PALM2AKAP2: variants seen among roughly 807,000 people sequenced by gnomAD.
PALM2AKAP2 encodes PALM2 and AKAP2 fusion.
A neutral mutation model predicts 71.5 loss-of-function variants in PALM2AKAP2; 37 were observed. The observed-to-expected ratio is 0.52, with a 90% CI of 0.40 to 0.68. The LOEUF (loss-of-function observed/expected upper bound fraction) is 0.68, where lower values mean the gene tolerates loss of function less well. Ranked by LOEUF, PALM2AKAP2 falls within the 30% of genes least tolerant of loss-of-function variation. The pLI is 0.00. For missense variants in PALM2AKAP2, 1,224 were observed against 1,191.8 expected (o/e 1.03, Z -0.40); for synonymous variants, 468 against 478.8 (o/e 0.98, Z 0.29).
Position 109,683,081 on chromosome 9 carries a change from C to T in PALM2AKAP2, c.5+42215C>T, listed in dbSNP as rs183905716. ...TGGTTGTTTAAAAGTGTGGCACCTC[C>T]CCTCCCCGCTTGCTCCTGCTTTCAC... On this transcript the variant is annotated intron_variant, in intron 1 of 6. Coordinates refer to the PALM2AKAP2 transcript ENST00000374531. Among the ~76,000 whole-genome samples the T allele has an allele frequency of 3.3e-5, 5 of 152,218 alleles. No individual in the cohort carries two copies. The East Asian group carries it at 9.7e-4, about 29-fold the overall frequency.
At chr9:110,043,714 G>GTTTT (rs71492869), upstream of PALM2AKAP2, among the ~76,000 whole-genome samples, 175 of 98,320 alleles carry the variant, frequency 1.8e-3, 7 homozygotes, top group African/African-American at 2.4e-3. Context: ...GTTTTTTTTG[G>GTTTT]TGTTTTTTTT....
intron 1 of PALM2AKAP2, among the ~76,000 whole-genome samples, chr9:109,679,305 C>A (rs952694353): frequency 6.6e-6 from 1 of 152,178 alleles, no homozygotes; most frequent in Admixed American, 6.5e-5. Context: ...GGTATGAGAA[C>A]AAGAGCAGTC....
At chr9:110,011,915 A>C (rs1341228910) in intron 6 of PALM2AKAP2, among the ~76,000 whole-genome samples, 1 of 152,212 alleles carries the variant, frequency 6.6e-6, no homozygotes, top group Non-Finnish European at 1.5e-5. Context: ...GATCTCCACC[A>C]TAGGTACGAG....
At chr9:109,821,539 C>T (rs1828006078) in intron 1 of PALM2AKAP2, among the ~76,000 whole-genome samples, 1 of 152,098 alleles carries the variant, frequency 6.6e-6, no homozygotes, top group Non-Finnish European at 1.5e-5. Flanking sequence ...ATATTATGTA[C>T]CTGTTCTGTG....
chr9:109,652,264 C>A (rs1489230180), intron 1 of PALM2AKAP2, among the ~76,000 whole-genome samples: 1 of 152,076 alleles, frequency 6.6e-6, no homozygotes, highest in East Asian at 1.9e-4. Flanking sequence ...GCAGTGGGGC[C>A]TAGTGAGAAG....
intron 3 of PALM2AKAP2, among the ~76,000 whole-genome samples, chr9:110,160,289 G>A (rs1318387958): frequency 1.3e-5 from 2 of 152,174 alleles, no homozygotes; most frequent in African/African-American, 4.8e-5. Context: ...CCCAGATGCA[G>A]CAATCCTATT....
chr9:110,001,146 G>A (rs192059769), intron 6 of PALM2AKAP2, among the ~76,000 whole-genome samples: 55 of 152,286 alleles, frequency 3.6e-4, no homozygotes, highest in African/African-American at 1.2e-3. Flanking sequence ...TATGGTTTTA[G>A]GTCTAACATT....
At chr9:110,060,867 T>C (rs1039872363) in intron 1 of PALM2AKAP2, among the ~76,000 whole-genome samples, 9 of 152,224 alleles carry the variant, frequency 5.9e-5, no homozygotes, top group African/African-American at 2.2e-4. Flanking sequence ...CCCAAAGTGC[T>C]GGGATTACAG....
At chr9:109,872,005 A>G (rs1006213836) in intron 2 of PALM2AKAP2, among the ~76,000 whole-genome samples, 1 of 152,206 alleles carries the variant, frequency 6.6e-6, no homozygotes, top group Non-Finnish European at 1.5e-5. Context: ...TGATTAATTC[A>G]TCCTTTCCTT....
intron 1 of PALM2AKAP2, among the ~76,000 whole-genome samples, chr9:109,670,023 T>G (rs2118486705): frequency 6.6e-6 from 1 of 152,298 alleles, no homozygotes; most frequent in South Asian, 2.1e-4. Context: ...TATTAATATT[T>G]CAAGTTATAC....
chr9:110,115,309 T>G (rs1007805044), intron 1 of PALM2AKAP2, among the ~76,000 whole-genome samples: 1 of 152,180 alleles, frequency 6.6e-6, no homozygotes, highest in African/African-American at 2.4e-5. Flanking sequence ...AGAACCAGGG[T>G]CAGGTCGTCA....
At chr9:109,780,659 C>A in intron 1 of PALM2AKAP2, 126 bp downstream of exon 1, 1 of 1,378,848 alleles carries the variant, frequency 7.3e-7, no homozygotes, top group South Asian at 1.2e-5. Context: ...GGCTAAAACT[C>A]TGTCAGGGCT....
Position 110,053,801 on chromosome 9 carries a change from A to G in PALM2AKAP2, c.156+4946A>G, listed in dbSNP as rs1390114048. Among the ~76,000 whole-genome samples, 4 of 152,112 alleles carry G rather than the reference A, an allele frequency of 2.6e-5. No homozygotes were observed. In the East Asian group the frequency reaches 7.7e-4, roughly 29 times the overall value. ...GTTTTTTCTTCTAAGCCTTGGAAGG[A>G]TGCATGAACTCGTTGAAGGGGGTGT... On this transcript the variant is annotated intron_variant, in intron 1 of 3. Transcript: ENST00000374525.
chr9:110,010,589 CT>C (rs1181159771), intron 6 of PALM2AKAP2, among the ~76,000 whole-genome samples: 2 of 146,954 alleles, frequency 1.4e-5, no homozygotes, highest in Admixed American at 6.8e-5. Context: ...TCTATATGTT[CT>C]ATACATTCTA....
At chr9:109,688,570 G>T (rs1353442817) in intron 1 of PALM2AKAP2, among the ~76,000 whole-genome samples, 1 of 152,246 alleles carries the variant, frequency 6.6e-6, no homozygotes, top group Non-Finnish European at 1.5e-5. Context: ...CAGGTTGGAT[G>T]TCTGCTTGGC....
rs183860311 is a variant in PALM2AKAP2 at position 109,825,879 on chromosome 9, T to A, written c.46-41612T>A. On this transcript the variant is annotated intron_variant, in intron 1 of 9. Coordinates refer to the PALM2AKAP2 transcript ENST00000302798. ...CCATTACTGGGTATATACACAAAGG[T>A]TTATAAATCATGCTGCTATAAAGAC... 8.5e-5 allele frequency among the ~76,000 whole-genome samples: 13 copies of A among 152,178 alleles called. No individual in the cohort carries two copies. In the East Asian group the frequency reaches 1.9e-3, roughly 23 times the overall value.
intron 3 of PALM2AKAP2, among the ~76,000 whole-genome samples, chr9:110,167,037 G>T (rs1836752866): frequency 6.6e-6 from 1 of 152,240 alleles, no homozygotes; most frequent in African/African-American, 2.4e-5. Context: ...TTACATGGCA[G>T]CAGGCAAGAC....
chr9:109,681,155 G>A (rs766655675), intron 1 of PALM2AKAP2, among the ~76,000 whole-genome samples: 4 of 152,244 alleles, frequency 2.6e-5, no homozygotes, highest in Non-Finnish European at 4.4e-5. Context: ...CAAAAACATT[G>A]TTTTGCATTG....
At chr9:110,051,529 T>C (rs1049484560) in intron 1 of PALM2AKAP2, among the ~76,000 whole-genome samples, 3 of 152,218 alleles carry the variant, frequency 2.0e-5, no homozygotes, top group African/African-American at 7.2e-5. Flanking sequence ...CAGATTTCTG[T>C]CACGGTTATT....
Sources: allele counts gnomAD v4.1 joint callset (sites outside exome capture counted in the v4.1 genomes callset), GRCh38; gene constraint gnomAD v4.1.1; transcripts MANE v1.5; gene names NCBI Gene and HGNC (gene_info 2026-07-23, HGNC 2026-07-21).